The following DGKD variants were observed in gnomAD, a reference collection of about 807,000 sequenced individuals.
DGKD encodes diacylglycerol kinase delta, also known as DAG kinase delta.
In DGKD, 68 loss-of-function variants were observed where a neutral mutation model predicts 154.4. That is an observed-to-expected ratio of 0.44 (90% confidence interval 0.36 to 0.54). The LOEUF (loss-of-function observed/expected upper bound fraction) is 0.54, where lower values mean the gene tolerates loss of function less well. DGKD is among the 20% of genes least tolerant of loss of function. The pLI, the probability that DGKD is intolerant of heterozygous loss-of-function variation, is 0.00. For synonymous variants in DGKD, 693 were observed against 638.0 expected, an observed-to-expected ratio of 1.09 and a Z score of -1.30; for missense variants, 1,343 against 1,593.6, an observed-to-expected ratio of 0.84 and a Z score of 2.68.
chr2:233,434,437 G>T lies in DGKD; in HGVS notation c.406G>T (p.Asp136Tyr). 6.2e-7 allele frequency: 1 copy of T among 1,614,200 alleles called. No homozygotes were observed. Among genetic ancestry groups the T allele is most frequent in the Non-Finnish European group, 8.5e-7 (1 of 1,180,030 alleles). The change falls in exon 4 of 30, where the codon GAT becomes TAT. Residue 136 changes from aspartate to tyrosine, a missense_variant. Transcript: ENST00000264057. ...LCADNRKEME[D>Y]WIAALKTVQN... ...TGCTGATAACAGAAAAGAAATGGAAGATTGGATTGCAGCATTAAAGACTGT... is the reference window on the plus strand; with the variant it reads ...TGCTGATAACAGAAAAGAAATGGAATATTGGATTGCAGCATTAAAGACTGT...
chr2:233,405,530 A>G (rs912607031), intron 3 of DGKD, among the ~76,000 whole-genome samples: 9 of 151,882 alleles, frequency 5.9e-5, no homozygotes, highest in Non-Finnish European at 1.2e-4. Flanking sequence ...AAAAAAAAAA[A>G]AGAAAGAAAA....
rs200814356 is a variant in DGKD at position 233,425,142 on chromosome 2, CT to C, written c.349-9228del. 4.0e-3 allele frequency among the ~76,000 whole-genome samples: 585 copies of C among 147,490 alleles called. 3 individuals are homozygous for C. Among genetic ancestry groups the C allele is most frequent in the African/African-American group, 0.013 (509 of 40,304 alleles). On this transcript the variant is annotated intron_variant, in intron 3 of 29. Transcript: ENST00000264057. ...TGTTCTTTCAAATAGAATTTTAAAG[CT>C]TTTTTTTTTAATCCTTAACATATAA...
chr2:233,371,864 C>T (rs994539602), intron 1 of DGKD, among the ~76,000 whole-genome samples: 1 of 152,148 alleles, frequency 6.6e-6, no homozygotes, highest in Non-Finnish European at 1.5e-5. Flanking sequence ...CACAGAGCTC[C>T]TCAGGAGTGC....
chr2:233,396,980 G>T (rs1327318302), intron 3 of DGKD, among the ~76,000 whole-genome samples: 1 of 84,914 alleles, frequency 1.2e-5, no homozygotes, highest in Non-Finnish European at 2.5e-5. Flanking sequence ...GCTGGGGGGG[G>T]CAGAGCGAGA....
Position 233,449,831 on chromosome 2 carries a change from T to G in DGKD, c.1889-151T>G. 6 of 875,386 alleles carry G rather than the reference T, an allele frequency of 6.9e-6. No homozygotes were observed. The highest frequency in any genetic ancestry group is 2.1e-5 in the South Asian group (1 of 46,676). 54.2% of individuals were successfully genotyped at this position (875,386 alleles called of 1,614,324 possible). On this transcript the variant is annotated intron_variant, in intron 15 of 29. Coordinates refer to ENST00000264057, the MANE Select transcript of DGKD (RefSeq NM_152879.3). This position sits in a 1 kb window ranked among gnomAD's most constrained non-coding sequence, Gnocchi z 5.3. The stretch of plus-strand genomic sequence containing the variant: ...GTGCCAGGACCAGGGGGAAGATGGG[T>G]GGGGGTGGGGTTTCGGAGTCCAAGC...
chr2:233,430,077 A>G (rs1398171830), intron 3 of DGKD, among the ~76,000 whole-genome samples: 2 of 152,238 alleles, frequency 1.3e-5, no homozygotes, highest in Non-Finnish European at 2.9e-5. Flanking sequence ...GTTAAATAAC[A>G]TATTTTGTTT....
In DGKD at chr2:233,451,193, G is replaced by A. The variant is rs1007801053; in HGVS notation, c.2167+143G>A. On this transcript the variant is annotated intron_variant, in intron 17 of 29. Transcript: ENST00000264057. ...GTGGAATTGAAAAATTTACACGACTGTATGAAAAGTGCTTTTTTTTTTTTT... is the reference window on the plus strand; with the variant it reads ...GTGGAATTGAAAAATTTACACGACTATATGAAAAGTGCTTTTTTTTTTTTT... 18 of 792,196 alleles carry A rather than the reference G, an allele frequency of 2.3e-5. No individual in the cohort carries two copies. In the African/African-American group the frequency reaches 3.0e-4, roughly 13 times the overall value. 49.1% of individuals were successfully genotyped at this position (792,196 alleles called of 1,614,324 possible).
At chr2:233,429,190 G>C in intron 3 of DGKD, 1 of 985,364 alleles carries the variant, frequency 1.0e-6, no homozygotes, top group Non-Finnish European at 1.2e-6. Flanking sequence ...ACTTCAGCTC[G>C]TAAAGGCTGC....
In DGKD at chr2:233,446,802, G is replaced by T. The variant is rs759379160; in HGVS notation, c.1419+6G>T. ...ACTTCAGCGAGGATTCCGAGGTATT[G>T]CTGGCCTGTTCTTCACACCCTGCTC... On this transcript the variant is annotated splice_donor_region_variant and intron_variant, in intron 12 of 29. Coordinates refer to ENST00000264057, the MANE Select transcript of DGKD (RefSeq NM_152879.3). 1 of 1,614,138 alleles carries T rather than the reference G, an allele frequency of 6.2e-7. No homozygotes were observed.
At position 233,407,378 on chromosome 2, in the gene DGKD, T is replaced by C. The variant is rs149436858; in HGVS notation, c.348+16895T>C. ...CAATACAAACAGGAAAAATAAAAGT[T>C]AAGGGAAAACCAAGTATAATTTAAC... On this transcript the variant is annotated intron_variant, in intron 3 of 29. Transcript: ENST00000264057. 1.5e-3 allele frequency among the ~76,000 whole-genome samples: 228 copies of C among 152,320 alleles called. 2 individuals carry two copies. Among genetic ancestry groups the C allele is most frequent in the African/African-American group, 5.4e-3 (223 of 41,580 alleles).
intron 1 of DGKD, chr2:233,386,010 TGTAA>T (rs1193766079): frequency 2.1e-6 from 1 of 470,418 alleles, no homozygotes; most frequent in Non-Finnish European, 4.4e-6. Flanking sequence ...TGTGCGTGTG[TGTAA>T]GTATGTGGTG....
rs2063953580 is a variant in DGKD, at chr2:233,469,858, G to T, written c.*398G>T. 2.3e-5 allele frequency: 4 copies of T among 175,058 alleles called. No homozygotes were observed. The South Asian group carries it at 6.0e-4, about 26-fold the overall frequency. 10.8% of individuals were successfully genotyped at this position (175,058 alleles called of 1,614,324 possible). ...GCTCCTCTCCGTGTGTCCTTCTGTG[G>T]CCGCACCGTGTGGCTCCGCCTCCTG... On this transcript the variant is annotated 3_prime_UTR_variant, in exon 30 of 30. Transcript: ENST00000264057.
At chr2:233,468,377 T>G in intron 28 of DGKD, 46 bp from the exon 29 acceptor site, 1 of 1,603,912 alleles carries the variant, frequency 6.2e-7, no homozygotes, top group Non-Finnish European at 8.5e-7. Flanking sequence ...TACCTTGCAC[T>G]GGGCTCTGGG....
intron 3 of DGKD, among the ~76,000 whole-genome samples, chr2:233,417,461 T>A (rs971171127): frequency 1.1e-4 from 16 of 152,362 alleles, no homozygotes; most frequent in African/African-American, 2.6e-4. Flanking sequence ...TTTGCATAAG[T>A]TCTCAGTGGC....
At chr2:233,436,472 G>T (rs1371511284) in intron 7 of DGKD, 31 bp downstream of exon 7, 1 of 1,602,084 alleles carries the variant, frequency 6.2e-7, no homozygotes, top group African/African-American at 1.3e-5. Flanking sequence ...CGGGCTGGAG[G>T]GGAGGGCTTG....
chr2:233,402,001 G>A (rs2061572617), intron 3 of DGKD, among the ~76,000 whole-genome samples: 1 of 150,384 alleles, frequency 6.6e-6, no homozygotes, highest in South Asian at 2.1e-4. Flanking sequence ...ATGAAGTTCA[G>A]GGTCTGGTCC....
At chr2:233,384,209 AC>A (rs1398112088) in intron 1 of DGKD, among the ~76,000 whole-genome samples, 3 of 151,966 alleles carry the variant, frequency 2.0e-5, no homozygotes. Context: ...GTCCTCGGTG[AC>A]CCCCTGGTGG....
At chr2:233,421,080 T>A (rs954611481) in intron 3 of DGKD, among the ~76,000 whole-genome samples, 1 of 152,192 alleles carries the variant, frequency 6.6e-6, no homozygotes, top group Non-Finnish European at 1.5e-5. Context: ...TTTTCTTTTT[T>A]AACATACCAA....
chr2:233,466,557 G>A (rs1165926543), intron 27 of DGKD, among the ~76,000 whole-genome samples: 1 of 152,118 alleles, frequency 6.6e-6, no homozygotes, highest in Non-Finnish European at 1.5e-5. Context: ...GTGTGGAGAG[G>A]CTGCCGCCGC....
Sources: gnomAD v4.1 joint callset for allele counts (sites outside exome capture counted in the v4.1 genomes callset) on GRCh38, gnomAD v4.1.1 for gene constraint, Gnocchi (gnomAD v3.1) non-coding constraint, MANE v1.5 for transcripts, NCBI Gene and HGNC (gene_info 2026-07-23, HGNC 2026-07-21) for gene names.